TBL1XR1: variants seen among roughly 807,000 people sequenced by gnomAD.
TBL1XR1 encodes F-box-like/WD repeat-containing protein TBL1XR1.
TBL1XR1 carries 5 observed loss-of-function variants against 66.9 expected under a neutral mutation model. That is an observed-to-expected ratio of 0.07 (90% confidence interval 0.04 to 0.16). The LOEUF (loss-of-function observed/expected upper bound fraction) is 0.16, where lower values mean the gene tolerates loss of function less well. Among genes scored for constraint, TBL1XR1 ranks in the 10% least tolerant of loss-of-function variants. TBL1XR1 has a pLI of 1.00. For synonymous variants in TBL1XR1, 210 were observed against 206.0 expected, an observed-to-expected ratio of 1.02 and a Z score of -0.17; for missense variants, 238 against 623.2, an observed-to-expected ratio of 0.38 and a Z score of 6.58.
At chr3:177,181,943 G>A (rs1734876608) in intron 1 of TBL1XR1, among the ~76,000 whole-genome samples, 1 of 152,122 alleles carries the variant, frequency 6.6e-6, no homozygotes, top group Admixed American at 6.5e-5. Flanking sequence ...GCTACGGTCA[G>A]GCCAAGGTCT....
chr3:177,137,998 G>A (rs1417445461), intron 1 of TBL1XR1, among the ~76,000 whole-genome samples: 1 of 152,148 alleles, frequency 6.6e-6, no homozygotes, highest in East Asian at 1.9e-4. Flanking sequence ...CAGCACTGTT[G>A]CAAAGCGAGT....
At chr3:177,067,541 A>T (rs1345807884) in intron 2 of TBL1XR1, among the ~76,000 whole-genome samples, 1 of 152,232 alleles carries the variant, frequency 6.6e-6, no homozygotes, top group African/African-American at 2.4e-5. Flanking sequence ...AAATGATATA[A>T]ATTATTGCTT....
chr3:177,034,833 GT>G (rs1442303214), intron 12 of TBL1XR1, among the ~76,000 whole-genome samples: 1 of 151,756 alleles, frequency 6.6e-6, no homozygotes, highest in African/African-American at 2.4e-5. Context: ...AGTAGTCAAA[GT>G]AGAGAATAAG....
chr3:177,133,471 A>G (rs1728544177), intron 1 of TBL1XR1, among the ~76,000 whole-genome samples: 1 of 152,136 alleles, frequency 6.6e-6, no homozygotes, highest in South Asian at 2.1e-4. Flanking sequence ...AATAAACACA[A>G]TCTATACTAG....
rs560260902 is a variant in TBL1XR1, at chr3:177,034,890, A to T, written c.1123-565T>A. ...TGCCTGTGTGTATAGATTTCAAGTG[A>T]CTATTATTTTTGAGCAAAAATTCAT... On this transcript the variant is annotated intron_variant, in intron 12 of 15. Transcript: ENST00000457928. Among the ~76,000 whole-genome samples the T allele has an allele frequency of 3.0e-4, 45 of 152,226 alleles. 1 individual carries two copies. The highest frequency in any genetic ancestry group is 2.9e-3 in the South Asian group (14 of 4,824).
rs924039083 is a variant in TBL1XR1, at chr3:177,020,231, C to T, written c.*5267G>A. 1 of 151,752 alleles carries T rather than the reference C, an allele frequency of 6.6e-6. No individual in the cohort carries two copies. Among genetic ancestry groups the T allele is most frequent in the East Asian group, 1.9e-4 (1 of 5,148 alleles). 9.4% of individuals were successfully genotyped at this position (151,752 alleles called of 1,614,324 possible). A position where few individuals can be genotyped will look rare whatever the true frequency, so the allele number is the denominator to read the frequency against. On this transcript the variant is annotated 3_prime_UTR_variant, in exon 16 of 16. Transcript: ENST00000457928. ...ATCTACACATTGTTTTGTGCTCAAC[C>T]GTGTGGCTAACCAAACAAATGTTAT...
At chr3:177,126,858 G>A (rs945496769) in intron 1 of TBL1XR1, among the ~76,000 whole-genome samples, 1 of 149,092 alleles carries the variant, frequency 6.7e-6, no homozygotes, top group African/African-American at 2.5e-5. Context: ...ACAGAGAAAT[G>A]CCCAAATCAA....
chr3:177,064,944 C>T lies in TBL1XR1; in HGVS notation c.34G>A (p.Val12Ile). 6.5e-7 allele frequency: 1 copy of T among 1,549,216 alleles called. No homozygotes were observed. The highest frequency in any genetic ancestry group is 8.7e-7 in the Non-Finnish European group (1 of 1,146,606). ...SISSDEVNFL[V>I]YRYLQESGFS... ...CCTGACTCTTGCAAGTATCTATATA[C>T]CAAGAAGTTGACCTCATCACTGCTT... is the stretch of plus-strand genomic sequence containing the variant. Residue 12 changes from valine (V) to isoleucine (I), a missense_variant, in exon 3 of 16, where the codon GTA becomes ATA. By Grantham distance (29) the Val-to-Ile change is conservative. Around this residue, in one of 8 missense-constraint regions of TBL1XR1, gnomAD observed 9 missense variants for 87.4 expected, o/e 0.10. Transcript: ENST00000457928.
intron 10 of TBL1XR1, among the ~76,000 whole-genome samples, chr3:177,043,029 ACTTT>A (rs1577006858): frequency 1.3e-5 from 2 of 152,168 alleles, no homozygotes; most frequent in East Asian, 3.8e-4. Context: ...CAAATATAAA[ACTTT>A]CTAACTTAAT....
intron 2 of TBL1XR1, among the ~76,000 whole-genome samples, chr3:177,090,847 G>A (rs1041219720): frequency 6.6e-6 from 1 of 152,084 alleles, no homozygotes; most frequent in Non-Finnish European, 1.5e-5. Flanking sequence ...AATTAGCCAG[G>A]CATGGTGGCA....
intron 1 of TBL1XR1, among the ~76,000 whole-genome samples, chr3:177,176,570 T>C (rs1734179015): frequency 6.7e-6 from 1 of 148,526 alleles, no homozygotes; most frequent in Non-Finnish European, 1.5e-5. Flanking sequence ...CCCAGCACTT[T>C]GGGAGGCCAA....
At chr3:177,134,043 A>G (rs1038027889) in intron 1 of TBL1XR1, among the ~76,000 whole-genome samples, 3 of 152,132 alleles carry the variant, frequency 2.0e-5, no homozygotes, top group African/African-American at 4.8e-5. Context: ...GGACTGGAAC[A>G]TAACTCCAGC....
intron 1 of TBL1XR1, among the ~76,000 whole-genome samples, chr3:177,103,953 T>C (rs1365866127): frequency 1.3e-5 from 2 of 151,882 alleles, no homozygotes; most frequent in African/African-American, 2.4e-5. Context: ...TCATCTCTAA[T>C]GAAAATACAA....
intron 2 of TBL1XR1, among the ~76,000 whole-genome samples, chr3:177,073,092 G>A (rs1237718412): frequency 6.6e-6 from 1 of 152,044 alleles, no homozygotes; most frequent in East Asian, 1.9e-4. Flanking sequence ...ACATTAGTAA[G>A]TAATACAAAA....
intron 1 of TBL1XR1, among the ~76,000 whole-genome samples, chr3:177,117,881 G>A (rs1331783009): frequency 6.6e-6 from 1 of 152,152 alleles, no homozygotes; most frequent in Non-Finnish European, 1.5e-5. Flanking sequence ...AAAGGTGAAT[G>A]TCAACCAATA....
chr3:177,131,829 C>T (rs1728328807), intron 1 of TBL1XR1, among the ~76,000 whole-genome samples: 2 of 150,744 alleles, frequency 1.3e-5, no homozygotes, highest in Admixed American at 1.3e-4. Flanking sequence ...AATCTTAAAA[C>T]ACATTAACGA....
intron 1 of TBL1XR1, among the ~76,000 whole-genome samples, chr3:177,187,677 G>A (rs1446619085): frequency 6.6e-6 from 1 of 152,048 alleles, no homozygotes; most frequent in Admixed American, 6.6e-5. Context: ...CAAAAACTGA[G>A]TCACTGAATG....
intron 2 of TBL1XR1, among the ~76,000 whole-genome samples, chr3:177,070,381 T>C (rs1411985660): frequency 1.3e-5 from 2 of 152,074 alleles, no homozygotes; most frequent in African/African-American, 4.8e-5. Flanking sequence ...CTGAATAAAT[T>C]ACAGTCAAGG....
chr3:177,153,580 A>G (rs1731150109), intron 1 of TBL1XR1, among the ~76,000 whole-genome samples: 1 of 152,350 alleles, frequency 6.6e-6, no homozygotes, highest in South Asian at 2.1e-4. Context: ...TTACTTGAAC[A>G]TAGACTGTAA....
Sources: allele counts gnomAD v4.1 joint callset (sites outside exome capture counted in the v4.1 genomes callset), GRCh38; gene constraint gnomAD v4.1.1; regional missense constraint gnomAD v4.1.1; transcripts MANE v1.5; gene names NCBI Gene and HGNC (gene_info 2026-07-23, HGNC 2026-07-21).